Variants in THNSL1 observed in about 807,000 individuals in gnomAD.
THNSL1 encodes threonine synthase-like 1.
Under a neutral mutation model 50.4 loss-of-function variants are expected in THNSL1, and 48 were observed. That is an observed-to-expected ratio of 0.95 (90% confidence interval 0.76 to 1.21). The LOEUF (loss-of-function observed/expected upper bound fraction) is 1.21. Among genes scored for constraint, THNSL1 ranks in the 50% most tolerant of loss-of-function variants. The pLI is 0.00. For missense variants in THNSL1, 896 were observed against 871.7 expected, an observed-to-expected ratio of 1.03 and a Z score of -0.35; for synonymous variants, 309 against 306.1, an observed-to-expected ratio of 1.01 and a Z score of -0.10.
At chr10:25,002,871 T>TTGGGGCTGGCAGATA in the THNSL1 span, among the ~76,000 whole-genome samples, 5 of 152,136 alleles carry the variant, frequency 3.3e-5, 1 homozygote, top group South Asian at 1.0e-3. Flanking sequence ...CCCACAGAAG[T>TTGGGGCTGGCAGATA]TGGGGCTGGC....
the THNSL1 span, among the ~76,000 whole-genome samples, chr10:24,955,608 T>C: frequency 5.1e-3 from 778 of 152,222 alleles, 6 homozygotes; most frequent in African/African-American, 0.017. Flanking sequence ...TGACCAAATG[T>C]TTGTAAAATT....
chr10:24,965,844 T>C, the THNSL1 span, among the ~76,000 whole-genome samples: 167 of 152,302 alleles, frequency 1.1e-3, 3 homozygotes, highest in East Asian at 0.024. Flanking sequence ...TGAGAATACA[T>C]CAAATACAAA....
chr10:24,973,351 T>G, the THNSL1 span, among the ~76,000 whole-genome samples: 1 of 146,374 alleles, frequency 6.8e-6, no homozygotes. Context: ...GGGCAGGGAG[T>G]GTAGACAGTG....
the THNSL1 span, chr10:24,984,877 T>G: frequency 6.2e-7 from 1 of 1,613,426 alleles, no homozygotes. Flanking sequence ...GAATTCTTTA[T>G]GCACCTCTTC....
the THNSL1 span, among the ~76,000 whole-genome samples, chr10:24,962,680 A>C: frequency 6.6e-6 from 1 of 152,208 alleles, no homozygotes; most frequent in Non-Finnish European, 1.5e-5. Flanking sequence ...TTCTCTTTCC[A>C]TAGCCATTGT....
chr10:24,984,221 G>T, the THNSL1 span: 8 of 816,780 alleles, frequency 9.8e-6, no homozygotes, highest in African/African-American at 1.0e-4. Context: ...GGGAATAACT[G>T]CAAATGTCAT....
chr10:25,000,547 CTT>C, the THNSL1 span, among the ~76,000 whole-genome samples: 1 of 152,096 alleles, frequency 6.6e-6, no homozygotes, highest in African/African-American at 2.4e-5. Context: ...AAACAGATCA[CTT>C]CATCACTATA....
the THNSL1 span, among the ~76,000 whole-genome samples, chr10:24,998,045 T>C: frequency 2.0e-5 from 3 of 152,176 alleles, no homozygotes; most frequent in Non-Finnish European, 4.4e-5. Flanking sequence ...GAATGTTGTA[T>C]TTCCACACTT....
chr10:25,016,391 G>A (rs188383704), upstream of THNSL1, among the ~76,000 whole-genome samples: 5 of 152,340 alleles, frequency 3.3e-5, no homozygotes, highest in East Asian at 1.9e-4. Context: ...TAGTAGAGAC[G>A]GCAAAGCGCA....
the THNSL1 span, among the ~76,000 whole-genome samples, chr10:24,976,958 C>G: frequency 6.6e-6 from 1 of 152,198 alleles, no homozygotes; most frequent in South Asian, 2.1e-4. Context: ...AAATTCAACA[C>G]AGTGAGGCCA....
chr10:24,958,726 C>A, the THNSL1 span, among the ~76,000 whole-genome samples: 3 of 152,356 alleles, frequency 2.0e-5, no homozygotes, highest in African/African-American at 7.2e-5. Flanking sequence ...TCACCTTCCA[C>A]TGAAGAACAC....
the THNSL1 span, among the ~76,000 whole-genome samples, chr10:24,969,666 T>C: frequency 1.3e-5 from 2 of 152,218 alleles, no homozygotes; most frequent in Admixed American, 1.3e-4. Context: ...TGTCCATAGT[T>C]ACAAAGCCCC....
At chr10:24,977,524 A>T in the THNSL1 span, among the ~76,000 whole-genome samples, 1 of 152,212 alleles carries the variant, frequency 6.6e-6, no homozygotes, top group Non-Finnish European at 1.5e-5. Context: ...GGAAATATGA[A>T]AACAATTTAG....
chr10:25,024,562 ATT>A lies in THNSL1; in HGVS notation c.1343_1344del (p.Phe448Ter). The A allele has an allele frequency of 6.2e-7, 1 of 1,614,116 alleles. No individual in the cohort carries two copies. Among genetic ancestry groups the A allele is most frequent in the African/African-American group, 1.3e-5 (1 of 75,024 alleles). On this transcript the variant is annotated frameshift_variant, in exon 3 of 3. Transcript: ENST00000376356. LOFTEE classifies it high-confidence loss of function. The stretch of plus-strand genomic sequence containing the variant: ...TTTTTGCCAGACAGCTATAAAAAGA[ATT>A]TTTAATGATTCTGATTTTACTGGCT... ...FDFCQTAIKR[I>X]FNDSDFTGFL...
At chr10:25,020,340 A>T (rs1016387522) in intron 1 of THNSL1, among the ~76,000 whole-genome samples, 1 of 151,996 alleles carries the variant, frequency 6.6e-6, no homozygotes, top group Non-Finnish European at 1.5e-5. Context: ...AAGAGGGTAG[A>T]GGGGAACTAA....
upstream of THNSL1, among the ~76,000 whole-genome samples, chr10:25,016,408 G>A (rs1011008583): frequency 2.0e-5 from 3 of 152,244 alleles, no homozygotes; most frequent in Admixed American, 6.5e-5. Context: ...CGCAGCTGGT[G>A]CGCAGGCGTC....
At chr10:25,022,478 C>A (rs1431412691) in intron 2 of THNSL1, among the ~76,000 whole-genome samples, 2 of 152,166 alleles carry the variant, frequency 1.3e-5, no homozygotes. Flanking sequence ...ATACCTTTCA[C>A]CTTGGCTCTT....
chr10:25,010,439 A>T, the THNSL1 span, among the ~76,000 whole-genome samples: 1 of 151,478 alleles, frequency 6.6e-6, no homozygotes, highest in Non-Finnish European at 1.5e-5. Flanking sequence ...ATTGGAACTC[A>T]TTTTTTTTAT....
the THNSL1 span, chr10:24,982,566 C>T: frequency 6.6e-6 from 1 of 152,280 alleles, no homozygotes; most frequent in African/African-American, 2.4e-5. Flanking sequence ...TCTCTTAATT[C>T]ATGCTCTCAA....
Sources: gnomAD v4.1 joint callset for allele counts (sites outside exome capture counted in the v4.1 genomes callset) on GRCh38, gnomAD v4.1.1 for gene constraint, MANE v1.5 for transcripts, NCBI Gene and HGNC (gene_info 2026-07-23, HGNC 2026-07-21) for gene names.